Variants in PMFBP1 observed in about 807,000 individuals in gnomAD.
PMFBP1 encodes polyamine-modulated factor 1-binding protein 1.
A neutral mutation model predicts 137.8 loss-of-function variants in PMFBP1; 131 were observed. The ratio of observed to expected loss-of-function variants is 0.95; its 90% CI spans 0.82 to 1.10. The LOEUF (loss-of-function observed/expected upper bound fraction) is 1.10. Ranked by LOEUF, PMFBP1 falls within the 50% of genes least tolerant of loss-of-function variation. PMFBP1 has a pLI of 0.00. For synonymous variants in PMFBP1, 490 were observed against 450.4 expected (o/e 1.09, Z -1.11); for missense variants, 1,199 against 1,175.4 (o/e 1.02, Z -0.29).
chr16:72,206,035 T>C, the PMFBP1 span, among the ~76,000 whole-genome samples: 34 of 152,018 alleles, frequency 2.2e-4, no homozygotes, highest in African/African-American at 8.2e-4. Flanking sequence ...AATGAATGAA[T>C]GTCCTGACTA....
chr16:72,130,501 C>G, intron 11 of PMFBP1, 32 bp downstream of exon 11: 1 of 1,612,648 alleles, frequency 6.2e-7, no homozygotes, highest in Admixed American at 1.7e-5. Context: ...GTGACAGAAC[C>G]TCTCTCTGGA....
the PMFBP1 span, among the ~76,000 whole-genome samples, chr16:72,200,360 T>G: frequency 2.0e-5 from 3 of 152,256 alleles, no homozygotes; most frequent in Non-Finnish European, 4.4e-5. Flanking sequence ...GAGCAGAATT[T>G]CCACACTTAC....
downstream of PMFBP1, among the ~76,000 whole-genome samples, chr16:72,116,896 A>G (rs938473928): frequency 6.6e-6 from 1 of 152,020 alleles, no homozygotes; most frequent in African/African-American, 2.4e-5. Flanking sequence ...GTACCACACT[A>G]TTTTGATTAC....
the PMFBP1 span, among the ~76,000 whole-genome samples, chr16:72,194,907 T>G: frequency 6.6e-6 from 1 of 152,196 alleles, no homozygotes; most frequent in Non-Finnish European, 1.5e-5. Flanking sequence ...TAGTTAATGG[T>G]ATGAGAACAA....
chr16:72,216,332 A>G, the PMFBP1 span, among the ~76,000 whole-genome samples: 2 of 152,234 alleles, frequency 1.3e-5, no homozygotes, highest in Admixed American at 6.5e-5. Flanking sequence ...ATCACAGCTT[A>G]GCCTATCCTA....
the PMFBP1 span, among the ~76,000 whole-genome samples, chr16:72,233,012 A>C: frequency 6.6e-6 from 1 of 152,172 alleles, no homozygotes; most frequent in Admixed American, 6.6e-5. Context: ...GAATTGTCAG[A>C]AAACATAAAA....
rs370127177 is a variant in PMFBP1, at chr16:72,130,914, C to T, written c.1448-192G>A. 2.0e-4 allele frequency among the ~76,000 whole-genome samples: 31 copies of T among 152,262 alleles called. 2 individuals carry two copies. The highest frequency in any genetic ancestry group is 1.0e-3 in the Admixed American group (16 of 15,288). On this transcript the variant is annotated intron_variant, in intron 10 of 20. Transcript: ENST00000237353. The stretch of plus-strand genomic sequence containing the variant: ...TATCTGTCTTTGTCTCAGATGTGGA[C>T]ACCTTCTGGACTAAAATTAAACAAA...
At chr16:72,159,900 G>A (rs190800490) in intron 3 of PMFBP1, among the ~76,000 whole-genome samples, 97 of 151,952 alleles carry the variant, frequency 6.4e-4, no homozygotes, top group African/African-American at 2.3e-3. Flanking sequence ...AAGTACGTTG[G>A]AAATGATTTT....
chr16:72,173,475 G>A (rs919110536), upstream of PMFBP1, among the ~76,000 whole-genome samples: 5 of 152,160 alleles, frequency 3.3e-5, no homozygotes, highest in East Asian at 1.9e-4. Context: ...AGAGCATTTC[G>A]AAGGAAAAGT....
rs1567628557 is a variant in PMFBP1 at position 72,139,387 on chromosome 16, C to T, written c.820G>A (p.Glu274Lys). ...ACSNALVLER[E>K]KALIKLQADF... is the part of the protein sequence containing the mutation. ...GCTTGTAGTTTTATCAAAGCCTTTT[C>T]ACGCTCCAGAACCTGCAAATAAGCT... The change falls in exon 7 of 21, where the codon GAA becomes AAA. Residue 274 changes from glutamate (E) to lysine (K), a missense_variant. Physicochemically the swap from Glu to Lys is moderately conservative, Grantham distance 56. Transcript: ENST00000237353. 1.9e-6 allele frequency: 3 copies of T among 1,613,654 alleles called. No homozygotes were observed. The highest frequency in any genetic ancestry group is 2.5e-6 in the Non-Finnish European group (3 of 1,179,810).
At chr16:72,181,263 T>TTA (rs1300875711), upstream of PMFBP1, among the ~76,000 whole-genome samples, 3 of 151,046 alleles carry the variant, frequency 2.0e-5, no homozygotes, top group African/African-American at 4.8e-5. Context: ...ATAATAATAA[T>TTA]AATTAAATTA....
Position 72,137,766 on chromosome 16 carries a change from T to G in PMFBP1, c.919-947A>C, listed in dbSNP as rs1210154074. On this transcript the variant is annotated intron_variant, in intron 7 of 20. Transcript: ENST00000237353. ...CCAAGAGAAGGCAGGAACATGTGGC[T>G]GGGGAGGAGCAATTCGTTGCCTGGC... is the stretch of plus-strand genomic sequence containing the variant. 2.0e-5 allele frequency among the ~76,000 whole-genome samples: 3 copies of G among 152,064 alleles called. No individual in the cohort carries two copies. The East Asian group carries it at 5.8e-4, about 29-fold the overall frequency.
intron 9 of PMFBP1, among the ~76,000 whole-genome samples, chr16:72,134,205 C>G (rs777819583): frequency 1.3e-5 from 2 of 152,174 alleles, no homozygotes; most frequent in Non-Finnish European, 2.9e-5. Context: ...TTGCCTCAGT[C>G]TCTCCTTCTG....
rs2042492194 is a variant in PMFBP1, at chr16:72,128,339, T to C, written c.2088+318A>G. 3.1e-6 allele frequency: 4 copies of C among 1,285,750 alleles called. No individual in the cohort carries two copies. The Admixed American group carries it at 1.3e-4, about 42-fold the overall frequency. The allele number at this position is 1,285,750 out of a possible 1,614,324, so 79.6% of individuals were successfully genotyped here. A position where few individuals can be genotyped will look rare whatever the true frequency, so the allele number is the denominator to read the frequency against. On this transcript the variant is annotated intron_variant, in intron 14 of 20. Transcript: ENST00000237353. ...GCTTTGTGACAAGTTTTGGAAGTGT[T>C]CCCTAGCAAATTGCCCCCCAAAATG...
At chr16:72,189,822 G>T in the PMFBP1 span, among the ~76,000 whole-genome samples, 1 of 152,158 alleles carries the variant, frequency 6.6e-6, no homozygotes, top group Non-Finnish European at 1.5e-5. Flanking sequence ...CAGAGGGTAG[G>T]GTTTTTAATG....
chr16:72,136,391 A>G (rs2042631577), intron 9 of PMFBP1, 57 bp downstream of exon 9: 13 of 1,572,160 alleles, frequency 8.3e-6, no homozygotes, highest in Non-Finnish European at 1.0e-5. Flanking sequence ...GGTTAATGCC[A>G]GGACATGGCC....
At chr16:72,124,429 C>A (rs964917162) in intron 17 of PMFBP1, among the ~76,000 whole-genome samples, 1 of 152,242 alleles carries the variant, frequency 6.6e-6, no homozygotes, top group Non-Finnish European at 1.5e-5. Flanking sequence ...CAGAAGGTCA[C>A]TTAGTCCATT....
chr16:72,224,973 G>C, the PMFBP1 span: 1 of 152,084 alleles, frequency 6.6e-6, no homozygotes, highest in Admixed American at 6.5e-5. Flanking sequence ...TATGTGTTTT[G>C]ACACATTTTT....
At chr16:72,228,306 A>ACCTCCAAACTGCTCAG in the PMFBP1 span, among the ~76,000 whole-genome samples, 3 of 152,158 alleles carry the variant, frequency 2.0e-5, no homozygotes, top group East Asian at 5.8e-4. Flanking sequence ...CGTGTACGAT[A>ACCTCCAAACTGCTCAG]CCTCCAAACT....
Sources: gnomAD v4.1 joint callset for allele counts (sites outside exome capture counted in the v4.1 genomes callset) on GRCh38, gnomAD v4.1.1 for gene constraint, MANE v1.5 for transcripts, NCBI Gene and HGNC (gene_info 2026-07-23, HGNC 2026-07-21) for gene names.